Variants in CDH22 observed in about 807,000 individuals in gnomAD.
CDH22 encodes the protein cadherin-22.
Under a neutral mutation model 58.4 loss-of-function variants are expected in CDH22, and 30 were observed. The observed-to-expected ratio is 0.51, with a 90% CI of 0.38 to 0.70. The LOEUF (loss-of-function observed/expected upper bound fraction) is 0.70, where lower values mean the gene tolerates loss of function less well. Among genes scored for constraint, CDH22 ranks in the 30% least tolerant of loss-of-function variants. The pLI, the probability that CDH22 is intolerant of heterozygous loss-of-function variation, is 0.00. For synonymous variants in CDH22, 513 were observed against 558.2 expected, an observed-to-expected ratio of 0.92 and a Z score of 1.14; for missense variants, 1,014 against 1,233.9, an observed-to-expected ratio of 0.82 and a Z score of 2.67.
chr20:46,194,020 A>T (rs2085880192), intron 8 of CDH22, among the ~76,000 whole-genome samples: 2 of 151,990 alleles, frequency 1.3e-5, no homozygotes, highest in Admixed American at 1.3e-4. Flanking sequence ...CAAAAACCAC[A>T]CACACAAAAA....
At chr20:46,230,883 C>T (rs1381090618) in intron 3 of CDH22, among the ~76,000 whole-genome samples, 1 of 152,160 alleles carries the variant, frequency 6.6e-6, no homozygotes, top group Non-Finnish European at 1.5e-5. Context: ...TCACCTGGTG[C>T]AGGAGAGAGG....
At chr20:46,247,544 G>T (rs1473228978) in intron 2 of CDH22, among the ~76,000 whole-genome samples, 1 of 152,186 alleles carries the variant, frequency 6.6e-6, no homozygotes, top group Non-Finnish European at 1.5e-5. Flanking sequence ...ATACTCTAGA[G>T]ATGATTTAAA....
intron 4 of CDH22, among the ~76,000 whole-genome samples, chr20:46,221,334 CT>C (rs2086124242): frequency 7.2e-6 from 1 of 138,370 alleles, no homozygotes; most frequent in Non-Finnish European, 1.5e-5. Context: ...ATCCAGTTGG[CT>C]GGGCCATTCC....
intron 1 of CDH22, among the ~76,000 whole-genome samples, chr20:46,266,052 C>T (rs564490596): frequency 6.6e-6 from 1 of 152,136 alleles, no homozygotes; most frequent in Non-Finnish European, 1.5e-5. Flanking sequence ...TCTCTCCCTA[C>T]CCAGATTTTG....
At position 46,286,770 on chromosome 20, in the gene CDH22, G is replaced by A. The variant is rs1226209172; in HGVS notation, c.-400+21485C>T. ...TGGTCTTCCTCCGTGGCAGCCAGCT[G>A]CTATATCTGTCTAACATCCTTATCT... On this transcript the variant is annotated intron_variant, in intron 1 of 11. Transcript: ENST00000537909. 2.0e-5 allele frequency among the ~76,000 whole-genome samples: 3 copies of A among 152,146 alleles called. No homozygotes were observed. In the East Asian group the frequency reaches 5.8e-4, roughly 29 times the overall value.
intron 1 of CDH22, among the ~76,000 whole-genome samples, chr20:46,285,420 T>G (rs1448817749): frequency 6.6e-6 from 1 of 152,142 alleles, no homozygotes; most frequent in East Asian, 1.9e-4. Context: ...CCTTGGGACA[T>G]TTGCAACGTC....
intron 8 of CDH22, among the ~76,000 whole-genome samples, chr20:46,193,772 G>GGGAACACCTGAATCCCCTTTCTGCCT (rs1271187133): frequency 1.3e-5 from 2 of 152,046 alleles, no homozygotes; most frequent in Non-Finnish European, 2.9e-5. Context: ...GCTTTCTGCT[G>GGGAACACCTGAATCCCCTTTCTGCCT]GGAACACCTG....
intron 1 of CDH22, among the ~76,000 whole-genome samples, chr20:46,297,990 C>T (rs1469753669): frequency 6.6e-6 from 1 of 152,064 alleles, no homozygotes; most frequent in African/African-American, 2.4e-5. Flanking sequence ...ATCCCGACGC[C>T]CCCTCTACTA....
At chr20:46,239,466 C>G (rs1441881959) in intron 3 of CDH22, among the ~76,000 whole-genome samples, 1 of 152,224 alleles carries the variant, frequency 6.6e-6, no homozygotes, top group Non-Finnish European at 1.5e-5. Flanking sequence ...ACCATTCTCT[C>G]TGGTTCACCT....
In CDH22 at chr20:46,174,726, G is replaced by C. The variant is rs756588252; in HGVS notation, c.2267C>G (p.Ala756Gly). 3 of 1,555,334 alleles carry C rather than the reference G, an allele frequency of 1.9e-6. No individual in the cohort carries two copies. In the South Asian group the frequency reaches 3.5e-5, roughly 18 times the overall value. Residue 756 changes from alanine to glycine, a missense_variant, in exon 12 of 12, where the codon GCA (alanine) becomes GGA (glycine). By Grantham distance (60) the Ala-to-Gly change is moderately conservative. Around this residue, in one of 2 missense-constraint regions of CDH22, gnomAD observed 208 missense variants for 195.2 expected, o/e 1.07. Transcript: ENST00000537909. This position sits in a 1 kb window ranked among gnomAD's most constrained non-coding sequence, Gnocchi z 4.4. The part of the protein sequence containing the change: ...VFRDFISRKV[A>G]LADGDLSVPP... ...CACCGACAGGTCCCCGTCCGCCAGT[G>C]CCACCTTGCGGCTGATGAAGTCCCT...
rs1019024209 is a variant in CDH22 at position 46,263,662 on chromosome 20, G to A, written c.-399-11969C>T. On this transcript the variant is annotated intron_variant, in intron 1 of 11. Coordinates refer to ENST00000537909, the MANE Select transcript of CDH22 (RefSeq NM_021248.3). Reference sequence around the variant, plus strand: ...CCAAAGGATGAGTGAGATGTACTGAGGCACAGGTGGCAGAATGTGCAGAGC... The same window carrying A: ...CCAAAGGATGAGTGAGATGTACTGAAGCACAGGTGGCAGAATGTGCAGAGC... Among the ~76,000 whole-genome samples the A allele has an allele frequency of 7.9e-5, 12 of 152,108 alleles. No individual in the cohort carries two copies. The South Asian group carries it at 1.5e-3, about 18-fold the overall frequency.
intron 4 of CDH22, among the ~76,000 whole-genome samples, chr20:46,218,063 A>G (rs2086098787): frequency 6.6e-6 from 1 of 151,958 alleles, no homozygotes; most frequent in Non-Finnish European, 1.5e-5. Flanking sequence ...AGCTGGGACT[A>G]CAGGCATGCA....
chr20:46,282,884 G>C (rs560892031), intron 1 of CDH22, among the ~76,000 whole-genome samples: 1 of 152,270 alleles, frequency 6.6e-6, no homozygotes, highest in East Asian at 1.9e-4. Flanking sequence ...AAGCCTCCTT[G>C]CTGCTCAGAG....
intron 3 of CDH22, among the ~76,000 whole-genome samples, chr20:46,236,816 C>T (rs1486756943): frequency 2.0e-5 from 3 of 151,636 alleles, no homozygotes; most frequent in Non-Finnish European, 4.4e-5. Flanking sequence ...CTCAGCCTCC[C>T]GAGTAGCTGG....
chr20:46,193,217 C>T (rs1001455762), intron 8 of CDH22, among the ~76,000 whole-genome samples: 14 of 152,090 alleles, frequency 9.2e-5, no homozygotes, highest in Non-Finnish European at 1.3e-4. Context: ...CCTTGGGGTC[C>T]GTTAGGGACT....
rs528127425 is a variant in CDH22 at position 46,243,931 on chromosome 20, A to G, written c.256-2674T>C. ...AAGTCATGTGCTGTGTCACATGGCTAAGTGTGGAAAGCACGCTTCTGACTC... is the reference window on the plus strand; with the variant it reads ...AAGTCATGTGCTGTGTCACATGGCTGAGTGTGGAAAGCACGCTTCTGACTC... On this transcript the variant is annotated intron_variant, in intron 2 of 11. Transcript: ENST00000537909. Among the ~76,000 whole-genome samples the G allele has an allele frequency of 2.6e-5, 4 of 152,332 alleles. No individual in the cohort carries two copies. In the East Asian group the frequency reaches 7.7e-4, roughly 29 times the overall value.
chr20:46,181,699 TTTC>T (rs1324534435), intron 10 of CDH22, among the ~76,000 whole-genome samples: 1 of 127,568 alleles, frequency 7.8e-6, no homozygotes, highest in Non-Finnish European at 1.7e-5. Flanking sequence ...TTTCTTTTCT[TTTC>T]TTTTCTTTCT....
chr20:46,264,815 G>GCA (rs146980608), intron 1 of CDH22, among the ~76,000 whole-genome samples: 360 of 150,268 alleles, frequency 2.4e-3, no homozygotes, highest in African/African-American at 7.8e-3. Flanking sequence ...GTATGAGTAT[G>GCA]CACACACACA....
At chr20:46,242,692 G>A (rs549278764) in intron 2 of CDH22, among the ~76,000 whole-genome samples, 2 of 152,234 alleles carry the variant, frequency 1.3e-5, no homozygotes, top group South Asian at 4.2e-4. Flanking sequence ...CGAGGGAGAG[G>A]AGAGGGACTA....
Sources: gnomAD v4.1 joint callset for allele counts (sites outside exome capture counted in the v4.1 genomes callset) on GRCh38, gnomAD v4.1.1 for gene constraint, gnomAD v4.1.1 regional missense constraint, Gnocchi (gnomAD v3.1) non-coding constraint, MANE v1.5 for transcripts, NCBI Gene and HGNC (gene_info 2026-07-23, HGNC 2026-07-21) for gene names.